The following CDK14 variants were observed in gnomAD, a reference collection of about 807,000 sequenced individuals.
CDK14 encodes cyclin dependent kinase 14.
Under a neutral mutation model 60.7 loss-of-function variants are expected in CDK14, and 34 were observed. The ratio of observed to expected loss-of-function variants is 0.56; its 90% CI spans 0.43 to 0.75. CDK14 has a LOEUF of 0.75. CDK14 is among the 30% of genes least tolerant of loss of function. The probability of loss-of-function intolerance (pLI) is 0.00; values close to 1 mark genes in which losing one functional copy is unlikely to be tolerated. For missense variants in CDK14, 482 were observed against 564.1 expected (o/e 0.85, Z 1.47); for synonymous variants, 197 against 203.7 (o/e 0.97, Z 0.28).
chr7:90,997,324 G>A (rs1434094739), intron 10 of CDK14, among the ~76,000 whole-genome samples: 2 of 152,196 alleles, frequency 1.3e-5, no homozygotes, highest in African/African-American at 2.4e-5. Flanking sequence ...CAGAATTATT[G>A]CAGAGGCCAA....
chr7:91,192,150 G>C (rs1802382144), intron 14 of CDK14, among the ~76,000 whole-genome samples: 1 of 152,164 alleles, frequency 6.6e-6, no homozygotes, highest in African/African-American at 2.4e-5. Context: ...TTCAGGGTAG[G>C]TAAGGCTTAG....
chr7:90,687,121 A>G (rs1280160031), intron 2 of CDK14, among the ~76,000 whole-genome samples: 1 of 152,096 alleles, frequency 6.6e-6, no homozygotes, highest in African/African-American at 2.4e-5. Context: ...AATCATCCAC[A>G]TCAGAACAGA....
At chr7:90,671,294 T>C (rs1306113259) in intron 2 of CDK14, among the ~76,000 whole-genome samples, 2 of 152,058 alleles carry the variant, frequency 1.3e-5, no homozygotes, top group Admixed American at 6.6e-5. Context: ...GATGACTTTT[T>C]TTTTTTTCTT....
chr7:90,630,377 A>C (rs1584752991), intron 2 of CDK14, among the ~76,000 whole-genome samples: 2 of 152,210 alleles, frequency 1.3e-5, no homozygotes, highest in East Asian at 3.9e-4. Context: ...GTTGTAACAC[A>C]ATGGTAAGTA....
chr7:90,983,890 G>C (rs1338623283), intron 9 of CDK14, among the ~76,000 whole-genome samples: 1 of 151,984 alleles, frequency 6.6e-6, no homozygotes, highest in Non-Finnish European at 1.5e-5. Flanking sequence ...AGGGAGGCAA[G>C]GGTTAACAAA....
intron 14 of CDK14, among the ~76,000 whole-genome samples, chr7:91,137,071 A>G (rs991704706): frequency 6.6e-6 from 1 of 152,184 alleles, no homozygotes; most frequent in African/African-American, 2.4e-5. Context: ...GGAAGCTAAG[A>G]CATTGACAAT....
At chr7:91,200,307 C>T (rs1010023288) in intron 14 of CDK14, among the ~76,000 whole-genome samples, 1 of 152,088 alleles carries the variant, frequency 6.6e-6, no homozygotes, top group Admixed American at 6.5e-5. Context: ...GATATTTTTA[C>T]TTTAGAGAGA....
chr7:91,125,329 G>A (rs1406447479), intron 14 of CDK14, among the ~76,000 whole-genome samples: 2 of 152,106 alleles, frequency 1.3e-5, no homozygotes, highest in Non-Finnish European at 2.9e-5. Context: ...CAAATGTAAT[G>A]AAAATTGCAA....
At chr7:90,657,912 C>T (rs565427948) in intron 2 of CDK14, among the ~76,000 whole-genome samples, 69 of 152,310 alleles carry the variant, frequency 4.5e-4, no homozygotes, top group African/African-American at 1.6e-3. Flanking sequence ...TCATGAAGGT[C>T]ATAGAGCTAG....
intron 2 of CDK14, among the ~76,000 whole-genome samples, chr7:90,696,440 A>C (rs1022680764): frequency 2.0e-5 from 3 of 149,068 alleles, no homozygotes; most frequent in Middle Eastern, 3.6e-3. Context: ...TCCCGGGTTC[A>C]AGTGATTCTT....
intron 5 of CDK14, among the ~76,000 whole-genome samples, chr7:90,807,016 G>C (rs1230737068): frequency 1.3e-5 from 2 of 152,214 alleles, no homozygotes; most frequent in Non-Finnish European, 2.9e-5. Flanking sequence ...AGGCCTGCCT[G>C]CCTCTGTAGA....
intron 5 of CDK14, among the ~76,000 whole-genome samples, chr7:90,807,230 C>T (rs1242571164): frequency 6.6e-6 from 1 of 152,216 alleles, no homozygotes; most frequent in Non-Finnish European, 1.5e-5. Flanking sequence ...TAGGGGCAGA[C>T]TGACACCTCA....
intron 10 of CDK14, among the ~76,000 whole-genome samples, chr7:90,994,286 G>A (rs1795617899): frequency 6.6e-6 from 1 of 152,136 alleles, no homozygotes; most frequent in South Asian, 2.1e-4. Context: ...GCTCTCCAAG[G>A]GTTCTTGCCA....
chr7:90,604,353 A>G (rs1799375301), intron 2 of CDK14, 104 bp downstream of exon 2: 1 of 571,516 alleles, frequency 1.7e-6, no homozygotes, highest in Non-Finnish European at 3.1e-6. Flanking sequence ...TGCCTTTAAA[A>G]CGCGAGATAA....
At chr7:90,638,772 C>T (rs1198088519) in intron 2 of CDK14, among the ~76,000 whole-genome samples, 1 of 152,166 alleles carries the variant, frequency 6.6e-6, no homozygotes, top group Non-Finnish European at 1.5e-5. Context: ...GTACACCAAT[C>T]AGACGTAGAT....
In CDK14 at chr7:90,753,505, C is replaced by G. The variant is rs1386586668; in HGVS notation, c.464+5730C>G. The stretch of plus-strand genomic sequence containing the variant: ...CATAGTTCAAAATAATAAGAGCCAC[C>G]TATGACAAACCCACAGCTAACATCA... On this transcript the variant is annotated intron_variant, in intron 4 of 14. Transcript: ENST00000380050. Among the ~76,000 whole-genome samples, 4 of 152,078 alleles carry G rather than the reference C, an allele frequency of 2.6e-5. No individual in the cohort carries two copies. The East Asian group carries it at 5.8e-4, about 22-fold the overall frequency.
At chr7:91,192,466 C>T (rs1053840300) in intron 14 of CDK14, among the ~76,000 whole-genome samples, 2 of 152,108 alleles carry the variant, frequency 1.3e-5, no homozygotes, top group Non-Finnish European at 2.9e-5. Context: ...TGCTGTAAGG[C>T]CCAGAAACAC....
chr7:90,827,388 A>G (rs968792645), intron 5 of CDK14, among the ~76,000 whole-genome samples: 6 of 152,196 alleles, frequency 3.9e-5, no homozygotes, highest in African/African-American at 7.2e-5. Context: ...AGTTTTGCCA[A>G]TTATGAATAA....
At chr7:90,607,099 A>G (rs554356953) in intron 2 of CDK14, among the ~76,000 whole-genome samples, 1 of 152,350 alleles carries the variant, frequency 6.6e-6, no homozygotes, top group South Asian at 2.1e-4. Context: ...TATGAACTAT[A>G]CAAAAGGATC....
Sources: allele counts gnomAD v4.1 joint callset (sites outside exome capture counted in the v4.1 genomes callset), GRCh38; gene constraint gnomAD v4.1.1; transcripts MANE v1.5; gene names NCBI Gene and HGNC (gene_info 2026-07-23, HGNC 2026-07-21).